ABL2: variants seen among roughly 807,000 people sequenced by gnomAD.
ABL2 encodes ABL proto-oncogene 2, non-receptor tyrosine kinase, also known as tyrosine-protein kinase ABL2.
In ABL2, 49 loss-of-function variants were observed where a neutral mutation model predicts 107.7. The observed-to-expected ratio is 0.45, with a 90% CI of 0.36 to 0.58. The LOEUF is 0.58. ABL2 is among the 20% of genes least tolerant of loss of function. ABL2 has a pLI of 0.00. For missense variants in ABL2, 1,245 were observed against 1,457.0 expected (o/e 0.85, Z 2.37); for synonymous variants, 549 against 548.6 (o/e 1.00, Z -0.01).
chr1:179,213,149 T>C (rs1662377684), intron 1 of ABL2, among the ~76,000 whole-genome samples: 1 of 151,918 alleles, frequency 6.6e-6, no homozygotes, highest in Non-Finnish European at 1.5e-5. Flanking sequence ...AATTTTTATA[T>C]ATATGTCTAT....
rs1027679356 is a variant in ABL2 at position 179,104,544 on chromosome 1, C to T, written c.*3174G>A. ...TGTACAGAGGTCATCTAGAAAAACA[C>T]TGAATGAATTTCTTAGGGCCAAATT... On this transcript the variant is annotated 3_prime_UTR_variant, in exon 12 of 12. Coordinates refer to ENST00000502732, the MANE Select transcript of ABL2 (RefSeq NM_007314.4). 4 of 209,114 alleles carry T rather than the reference C, an allele frequency of 1.9e-5. No homozygotes were observed. The highest frequency in any genetic ancestry group is 9.1e-5 in the African/African-American group (4 of 44,050). 13.0% of individuals were successfully genotyped at this position (209,114 alleles called of 1,614,324 possible). A position where few individuals can be genotyped will look rare whatever the true frequency, so the allele number is the denominator to read the frequency against.
chr1:179,204,974 A>C (rs1401476371), intron 1 of ABL2, among the ~76,000 whole-genome samples: 1 of 151,894 alleles, frequency 6.6e-6, no homozygotes, highest in African/African-American at 2.4e-5. Context: ...ATGTAACATA[A>C]TGGGTGACCC....
intron 1 of ABL2, among the ~76,000 whole-genome samples, chr1:179,179,110 T>C (rs571273624): frequency 6.6e-6 from 1 of 152,248 alleles, no homozygotes; most frequent in South Asian, 2.1e-4. Context: ...AGGAATACAA[T>C]TTAATGAGTC....
At chr1:179,218,076 C>CCCT (rs1365726022) in intron 1 of ABL2, among the ~76,000 whole-genome samples, 1 of 152,154 alleles carries the variant, frequency 6.6e-6, no homozygotes, top group Non-Finnish European at 1.5e-5. Context: ...TGGCACACAG[C>CCCT]CCTCAATAAA....
chr1:179,219,102 A>G (rs1026948772), intron 1 of ABL2, among the ~76,000 whole-genome samples: 9 of 152,062 alleles, frequency 5.9e-5, no homozygotes, highest in African/African-American at 2.2e-4. Context: ...GAGTGCAGCG[A>G]CGTGATTATG....
intron 1 of ABL2, chr1:179,184,435 G>T: frequency 1.0e-6 from 1 of 1,004,026 alleles, no homozygotes; most frequent in Non-Finnish European, 1.5e-6. Flanking sequence ...GCACCAGAGA[G>T]CTTCTTTATC....
At chr1:179,134,653 C>G (rs894954790) in intron 1 of ABL2, among the ~76,000 whole-genome samples, 2 of 152,154 alleles carry the variant, frequency 1.3e-5, no homozygotes, top group African/African-American at 2.4e-5. Context: ...AAATAATGCC[C>G]TATGATGTCT....
chr1:179,117,304 C>A (rs2102612009), intron 8 of ABL2, 28 bp downstream of exon 8: 1 of 1,601,486 alleles, frequency 6.2e-7, no homozygotes, highest in Non-Finnish European at 8.5e-7. Flanking sequence ...AATAAAATGA[C>A]ACAGAAAAAA....
intron 1 of ABL2, among the ~76,000 whole-genome samples, chr1:179,143,243 G>A (rs965224941): frequency 2.6e-5 from 4 of 152,132 alleles, no homozygotes; most frequent in Non-Finnish European, 2.9e-5. Context: ...CCAGCAATCC[G>A]CAAAAGACTG....
intron 4 of ABL2, among the ~76,000 whole-genome samples, chr1:179,122,420 G>C (rs1333063895): frequency 6.6e-6 from 1 of 151,866 alleles, no homozygotes; most frequent in Non-Finnish European, 1.5e-5. Flanking sequence ...TACCCAGCAA[G>C]AGTTTATCTT....
At chr1:179,170,475 A>G (rs1412862986) in intron 1 of ABL2, among the ~76,000 whole-genome samples, 1 of 151,594 alleles carries the variant, frequency 6.6e-6, no homozygotes, top group Non-Finnish European at 1.5e-5. Flanking sequence ...GGAGTGCAGT[A>G]GCGCAATCTA....
intron 1 of ABL2, among the ~76,000 whole-genome samples, chr1:179,141,109 C>T (rs562410121): frequency 1.6e-5 from 2 of 128,746 alleles, no homozygotes; most frequent in Admixed American, 8.6e-5. Context: ...AAGCAAGACT[C>T]TGTCTCAAAA....
At chr1:179,199,722 C>T (rs1444129642) in intron 1 of ABL2, among the ~76,000 whole-genome samples, 2 of 133,094 alleles carry the variant, frequency 1.5e-5, no homozygotes, top group South Asian at 2.5e-4. Flanking sequence ...AAAACCCATA[C>T]ACTTTTTCCT....
intron 1 of ABL2, among the ~76,000 whole-genome samples, chr1:179,187,800 C>A (rs534300795): frequency 6.6e-6 from 1 of 152,204 alleles, no homozygotes; most frequent in South Asian, 2.1e-4. Flanking sequence ...TACTCTATGG[C>A]TATTTCAGAC....
At position 179,185,031 on chromosome 1, in the gene ABL2, A is replaced by G. The variant is rs573880384; in HGVS notation, c.157+44210T>C. ...GCTGGAGGGTGCTAGGCCCCTGTGT[A>G]GTAGTACACAGAATTCTAGCTTCTT... On this transcript the variant is annotated intron_variant, in intron 1 of 11. Transcript: ENST00000502732. Among the ~76,000 whole-genome samples the G allele has an allele frequency of 4.7e-4, 72 of 152,294 alleles. 1 individual carries two copies. Among genetic ancestry groups the G allele is most frequent in the African/African-American group, 1.6e-3 (68 of 41,570 alleles).
chr1:179,160,872 C>A (rs1659022357), intron 1 of ABL2, among the ~76,000 whole-genome samples: 2 of 152,042 alleles, frequency 1.3e-5, no homozygotes, highest in African/African-American at 4.8e-5. Flanking sequence ...CAATGAGATA[C>A]CACTACAAGC....
intron 1 of ABL2, chr1:179,201,465 C>A: frequency 4.8e-6 from 1 of 207,078 alleles, no homozygotes; most frequent in Non-Finnish European, 9.7e-6. Flanking sequence ...GAGAAAAATC[C>A]CTTTAAGATT....
chr1:179,134,424 T>C (rs1656641732), intron 1 of ABL2, among the ~76,000 whole-genome samples: 1 of 150,498 alleles, frequency 6.6e-6, no homozygotes, highest in Non-Finnish European at 1.5e-5. Context: ...GACTCGGCCA[T>C]GGAGGCTGCG....
chr1:179,116,996 C>T (rs1654707586), intron 8 of ABL2: 5 of 330,444 alleles, frequency 1.5e-5, no homozygotes, highest in South Asian at 5.6e-5. Context: ...CATGCCACCA[C>T]GCCTGGCTAA....
Sources: allele counts gnomAD v4.1 joint callset (sites outside exome capture counted in the v4.1 genomes callset), GRCh38; gene constraint gnomAD v4.1.1; transcripts MANE v1.5; gene names NCBI Gene and HGNC (gene_info 2026-07-23, HGNC 2026-07-21).